Variants in SYT13 observed in about 807,000 individuals in gnomAD.
SYT13 encodes synaptotagmin-13.
A neutral mutation model predicts 38.6 loss-of-function variants in SYT13; 21 were observed. The observed-to-expected ratio is 0.54, with a 90% CI of 0.39 to 0.78. SYT13 has a LOEUF of 0.78. SYT13 is among the 30% of genes least tolerant of loss of function. SYT13 has a pLI of 0.00. For synonymous variants in SYT13, 241 were observed against 237.6 expected (o/e 1.01, Z -0.13); for missense variants, 495 against 548.7 (o/e 0.90, Z 0.98).
intron 3 of SYT13, chr11:45,254,025 A>G (rs1170855343): frequency 2.8e-6 from 1 of 354,634 alleles, no homozygotes; most frequent in East Asian, 4.6e-5. Flanking sequence ...CACAGCTGGA[A>G]GGAGTCTGGT....
intron 4 of SYT13, among the ~76,000 whole-genome samples, chr11:45,250,659 G>A (rs1054994064): frequency 6.6e-6 from 1 of 152,234 alleles, no homozygotes; most frequent in South Asian, 2.1e-4. Flanking sequence ...TAATTAGAGA[G>A]TGGGCTTTGG....
In SYT13 at chr11:45,245,741, C is replaced by T. The variant is rs117611853; in HGVS notation, c.976+642G>A. ...ATCCAGAAGGAAAAACTGAGGCTTC[C>T]AGGGTGTTGCAGAAAAGCTTATTTG... On this transcript the variant is annotated intron_variant, in intron 5 of 5. Coordinates refer to ENST00000020926, the MANE Select transcript of SYT13 (RefSeq NM_020826.3). 6.2e-3 allele frequency among the ~76,000 whole-genome samples: 941 copies of T among 152,314 alleles called. 2 individuals are homozygous for T. Among genetic ancestry groups the T allele is most frequent in the Middle Eastern group, 0.027 (8 of 294 alleles).
At chr11:45,246,334 A>T in intron 5 of SYT13, 49 bp downstream of exon 5, 1 of 1,600,582 alleles carries the variant, frequency 6.2e-7, no homozygotes, top group Non-Finnish European at 8.5e-7. Flanking sequence ...CTCAGCACAC[A>T]CTCCCGGTAG....
intron 4 of SYT13, among the ~76,000 whole-genome samples, chr11:45,246,886 C>T (rs1372527761): frequency 6.6e-6 from 1 of 152,218 alleles, no homozygotes; most frequent in Non-Finnish European, 1.5e-5. Flanking sequence ...CCTCTGTCCT[C>T]TAGGGCCTCA....
intron 1 of SYT13, among the ~76,000 whole-genome samples, chr11:45,272,201 G>A (rs1188472243): frequency 6.6e-6 from 1 of 152,166 alleles, no homozygotes; most frequent in African/African-American, 2.4e-5. Context: ...GTCAGGGGTG[G>A]GGTGGTTGGG....
At position 45,266,503 on chromosome 11, in the gene SYT13, T is replaced by TACACACACACACACAC. The variant is rs68112111; in HGVS notation, c.184-10628_184-10613dup. On this transcript the variant is annotated intron_variant, in intron 1 of 5. Transcript: ENST00000020926. ...CATAATCCTTCCACTCCCTCTCAAA[T>TACACACACACACACAC]ACACACACACACACACACACACACA... Among the ~76,000 whole-genome samples, 601 of 147,368 alleles carry TACACACACACACACAC rather than the reference T, an allele frequency of 4.1e-3. 3 individuals carry two copies. Among genetic ancestry groups the TACACACACACACACAC allele is most frequent in the African/African-American group, 0.014 (573 of 40,054 alleles).
At chr11:45,246,692 C>T (rs1854618374) in intron 4 of SYT13, among the ~76,000 whole-genome samples, 180 bp from the exon 5 acceptor site, 1 of 152,216 alleles carries the variant, frequency 6.6e-6, no homozygotes, top group African/African-American at 2.4e-5. Context: ...AGAGGAATTC[C>T]ATGCGGCATG....
chr11:45,255,659 C>T lies in SYT13; in HGVS notation c.409+7G>A. 1 of 1,613,060 alleles carries T rather than the reference C, an allele frequency of 6.2e-7. No homozygotes were observed. Among genetic ancestry groups the T allele is most frequent in the Non-Finnish European group, 8.5e-7 (1 of 1,179,392 alleles). On this transcript the variant is annotated splice_region_variant and intron_variant, in intron 2 of 5. Transcript: ENST00000020926. The stretch of plus-strand genomic sequence containing the variant: ...CCATGGAAGTGCAGGGGGCAGGAGA[C>T]CCCTACCATTCTGAGGGAGGATGAA...
intron 1 of SYT13, among the ~76,000 whole-genome samples, chr11:45,275,629 G>A (rs749262195): frequency 3.9e-5 from 6 of 152,156 alleles, no homozygotes; most frequent in Non-Finnish European, 8.8e-5. Flanking sequence ...GGCAATTACA[G>A]CACCCTTTAT....
chr11:45,282,981 T>C (rs539279217), intron 1 of SYT13, among the ~76,000 whole-genome samples: 4 of 152,058 alleles, frequency 2.6e-5, no homozygotes, highest in East Asian at 1.9e-4. Flanking sequence ...GCCTTGTCTC[T>C]ACAAAACATA....
At chr11:45,274,823 A>G (rs1219654323) in intron 1 of SYT13, among the ~76,000 whole-genome samples, 1 of 152,128 alleles carries the variant, frequency 6.6e-6, no homozygotes, top group Non-Finnish European at 1.5e-5. Flanking sequence ...TGCTGTTCTT[A>G]CCAGAGAGTC....
At position 45,246,450 on chromosome 11, in the gene SYT13, G is replaced by T; in HGVS notation, c.909C>A (p.Arg303=). 6.2e-7 allele frequency: 1 copy of T among 1,614,158 alleles called. No individual in the cohort carries two copies. Among genetic ancestry groups the T allele is most frequent in the Non-Finnish European group, 8.5e-7 (1 of 1,180,028 alleles). ...LSISYLPAAN[R]LLVVLIKAKN... is the part of the protein sequence containing the mutation. The stretch of plus-strand genomic sequence containing the variant: ...TGGCTTTAATCAGCACCACCAGGAG[G>T]CGGTTGGCAGCCGGGAGGTAGCTGA... Residue 303 remains arginine (R), a synonymous_variant, in exon 5 of 6, where the codon CGC becomes CGA. Coordinates refer to ENST00000020926, the MANE Select transcript of SYT13 (RefSeq NM_020826.3).
intron 1 of SYT13, among the ~76,000 whole-genome samples, chr11:45,258,771 A>C (rs1854778277): frequency 6.6e-6 from 1 of 152,136 alleles, no homozygotes; most frequent in Non-Finnish European, 1.5e-5. Flanking sequence ...GCAGAGGCGA[A>C]GACCGGGCTT....
chr11:45,260,452 G>A (rs1015669043), intron 1 of SYT13, among the ~76,000 whole-genome samples: 1 of 152,178 alleles, frequency 6.6e-6, no homozygotes. Context: ...AGGGAGCCTG[G>A]GAGAGGGTTC....
chr11:45,244,455 G>A, intron 5 of SYT13, 99 bp from the exon 6 acceptor site: 4 of 1,407,018 alleles, frequency 2.8e-6, no homozygotes, highest in Non-Finnish European at 3.8e-6. Flanking sequence ...CCTGGTGCTG[G>A]AAAGATGCTC....
At chr11:45,260,651 G>A (rs1207269206) in intron 1 of SYT13, among the ~76,000 whole-genome samples, 1 of 152,184 alleles carries the variant, frequency 6.6e-6, no homozygotes, top group Non-Finnish European at 1.5e-5. Context: ...ATGAATGAGG[G>A]AAGATTTCCA....
chr11:45,252,784 G>A lies in SYT13; in HGVS notation c.545-62C>T. ...CTGAGGACAAGTGGAGGGGGCAGAA[G>A]CACGCCTTGCTTAGGGCTGTGGAAT... On this transcript the variant is annotated intron_variant, in intron 3 of 5. Transcript: ENST00000020926. The surrounding 1 kb of genome is among the most constrained non-coding windows in gnomAD (Gnocchi z 4.3). 1 of 1,504,258 alleles carries A rather than the reference G, an allele frequency of 6.6e-7. No homozygotes were observed. Among genetic ancestry groups the A allele is most frequent in the Non-Finnish European group, 8.9e-7 (1 of 1,120,110 alleles). The allele number at this position is 1,504,258 out of a possible 1,614,324, so 93.2% of individuals were successfully genotyped here. A position where few individuals can be genotyped will look rare whatever the true frequency, so the allele number is the denominator to read the frequency against.
chr11:45,278,828 G>T (rs1036652358), intron 1 of SYT13, among the ~76,000 whole-genome samples: 2 of 152,134 alleles, frequency 1.3e-5, no homozygotes, highest in African/African-American at 4.8e-5. Flanking sequence ...TTTCCAGCGG[G>T]TATGTGCTCA....
chr11:45,274,103 C>T (rs1415676500), intron 1 of SYT13, among the ~76,000 whole-genome samples: 5 of 152,144 alleles, frequency 3.3e-5, no homozygotes, highest in Non-Finnish European at 5.9e-5. Flanking sequence ...TTTTGAGTCT[C>T]ATTTGATTCC....
Sources: gnomAD v4.1 joint callset for allele counts (sites outside exome capture counted in the v4.1 genomes callset) on GRCh38, gnomAD v4.1.1 for gene constraint, Gnocchi (gnomAD v3.1) non-coding constraint, MANE v1.5 for transcripts, NCBI Gene and HGNC (gene_info 2026-07-23, HGNC 2026-07-21) for gene names.